DNAJC4: variants seen among roughly 807,000 people sequenced by gnomAD.
The protein encoded by DNAJC4 is dnaJ homolog subfamily C member 4.
DNAJC4 carries 26 observed loss-of-function variants against 26.8 expected under a neutral mutation model. The observed-to-expected ratio is 0.97, with a 90% CI of 0.71 to 1.34. The LOEUF (loss-of-function observed/expected upper bound fraction) is 1.34, where lower values mean the gene tolerates loss of function less well. Ranked by LOEUF, DNAJC4 falls within the 40% of genes most tolerant of loss-of-function variation. DNAJC4 has a pLI of 0.00. For synonymous variants in DNAJC4, 134 were observed against 127.8 expected (o/e 1.05, Z -0.33); for missense variants, 342 against 321.1 (o/e 1.07, Z -0.50).
At chr11:64,232,101 C>A in intron 2 of DNAJC4, 137 bp downstream of exon 2, 1 of 894,118 alleles carries the variant, frequency 1.1e-6, no homozygotes. Flanking sequence ...GGCAGGTGCT[C>A]AATGGTAGGG....
intron 2 of DNAJC4, 58 bp downstream of exon 2, chr11:64,232,022 G>A (rs896012019): frequency 6.4e-7 from 1 of 1,563,366 alleles, no homozygotes; most frequent in Admixed American, 1.7e-5. Context: ...GTGGGGGTGT[G>A]CTTCAAATTC....
chr11:64,230,672 G>A lies in DNAJC4; in HGVS notation c.-183G>A, dbSNP rs1338898331. ...GATGCCCGGGTCAGAGGAAGGGGCA[G>A]GTCCAAGGACACGCGGGTCTGGTCC... On this transcript the variant is annotated 5_prime_UTR_variant, in exon 1 of 6. Transcript: ENST00000628077. 1 of 803,532 alleles carries A rather than the reference G, an allele frequency of 1.2e-6. No individual in the cohort carries two copies. The highest frequency in any genetic ancestry group is 1.7e-5 in the African/African-American group (1 of 58,374). 49.8% of individuals were successfully genotyped at this position (803,532 alleles called of 1,614,324 possible).
intron 3 of DNAJC4, 30 bp from the exon 4 acceptor site, chr11:64,232,674 C>T (rs1192824629): frequency 6.3e-7 from 1 of 1,579,836 alleles, no homozygotes; most frequent in South Asian, 1.1e-5. Context: ...GTCTCATTTC[C>T]ACAATGTCCC....
At chr11:64,232,183 C>T in intron 2 of DNAJC4, 1 of 711,148 alleles carries the variant, frequency 1.4e-6, no homozygotes, top group East Asian at 2.7e-5. Context: ...TGCCTGCCTG[C>T]TCTTGAGAAA....
intron 1 of DNAJC4, 65 bp from the exon 2 acceptor site, chr11:64,231,805 GA>G: frequency 7.9e-6 from 12 of 1,519,472 alleles, no homozygotes; most frequent in Non-Finnish European, 1.1e-5. Context: ...GTGTGGCCCA[GA>G]AGGCAGGGCA....
intron 4 of DNAJC4, 48 bp downstream of exon 4, chr11:64,232,913 G>A (rs758195585): frequency 2.2e-5 from 33 of 1,507,268 alleles, no homozygotes; most frequent in Non-Finnish European, 2.9e-5. Context: ...AGGAGGGTGG[G>A]TGAATTCCAG....
At chr11:64,231,341 CCT>C in intron 1 of DNAJC4, 1 of 174,248 alleles carries the variant, frequency 5.7e-6, no homozygotes, top group Non-Finnish European at 1.1e-5. Context: ...TTCTCTTTTT[CCT>C]TTTTTTTTTT....
Position 64,233,997 on chromosome 11 carries a change from T to TTCTGCTC in DNAJC4, c.614+18_614+24dup. ...ACGGGCCAGGTCTGTCCCTGCTCTA[T>TTCTGCTC]TCTGCTCCCTGCTCCCTGTCCAGGA... On this transcript the variant is annotated intron_variant, in intron 5 of 5. Coordinates refer to ENST00000628077, the MANE Select transcript of DNAJC4 (RefSeq NM_005528.4). 1 of 1,614,002 alleles carries TTCTGCTC rather than the reference T, an allele frequency of 6.2e-7. No homozygotes were observed. The highest frequency in any genetic ancestry group is 1.1e-5 in the South Asian group (1 of 91,086).
intron 3 of DNAJC4, 26 bp downstream of exon 3, chr11:64,232,640 C>T (rs1224447402): frequency 6.3e-7 from 1 of 1,581,228 alleles, no homozygotes; most frequent in African/African-American, 1.3e-5. Flanking sequence ...CCTCAGCTTG[C>T]CCCACCCCCA....
intron 1 of DNAJC4, 78 bp from the exon 2 acceptor site, chr11:64,231,793 G>A: frequency 7.2e-7 from 1 of 1,385,718 alleles, no homozygotes; most frequent in East Asian, 2.3e-5. Flanking sequence ...CTGAGTTGAA[G>A]GGTGTGGCCC....
At position 64,234,257 on chromosome 11, in the gene DNAJC4, C is replaced by A; in HGVS notation, c.*73C>A. On this transcript the variant is annotated 3_prime_UTR_variant, in exon 6 of 6. Coordinates refer to ENST00000628077, the MANE Select transcript of DNAJC4 (RefSeq NM_005528.4). This position sits in a 1 kb window ranked among gnomAD's most constrained non-coding sequence, Gnocchi z 5.3. ...TCCCTGGACGGCCCGCTCCCCGAAA[C>A]GCGCGCAATAAAGTGATTCGCAGAG... 1 of 1,496,412 alleles carries A rather than the reference C, an allele frequency of 6.7e-7. No individual in the cohort carries two copies. Among genetic ancestry groups the A allele is most frequent in the Admixed American group, 2.1e-5 (1 of 48,252 alleles). The allele number at this position is 1,496,412 out of a possible 1,614,324, so 92.7% of individuals were successfully genotyped here.
chr11:64,231,125 C>T (rs1947170354), intron 1 of DNAJC4, 185 bp downstream of exon 1: 1 of 808,366 alleles, frequency 1.2e-6, no homozygotes, highest in Non-Finnish European at 2.1e-6. Flanking sequence ...ATTTAAGCGG[C>T]AGAGGAGGAA....
Position 64,231,924 on chromosome 11 carries a change from C to A in DNAJC4, c.140C>A (p.Thr47Asn). Residue 47 changes from threonine to asparagine, a missense_variant, in exon 2 of 6, where the codon ACT becomes AAT. By Grantham distance (65) the Thr-to-Asn change is moderately conservative. Coordinates refer to ENST00000628077, the MANE Select transcript of DNAJC4 (RefSeq NM_005528.4). Reference sequence around the variant, plus strand: ...TTGGGGGTGCATCCTGGTGCCAGCACTGAGGAAGTTAAACGAGCTTTCTTC... The same window carrying A: ...TTGGGGGTGCATCCTGGTGCCAGCAATGAGGAAGTTAAACGAGCTTTCTTC... ...ELLGVHPGAS[T>N]EEVKRAFFSK... 6.2e-7 allele frequency: 1 copy of A among 1,614,084 alleles called. No homozygotes were observed.
intron 1 of DNAJC4, chr11:64,231,584 G>A (rs1328845087): frequency 2.2e-5 from 7 of 319,854 alleles, no homozygotes; most frequent in Admixed American, 1.3e-4. Flanking sequence ...CAGGTGATCC[G>A]CCCTCCTCGG....
Position 64,231,342 on chromosome 11 carries a change from C to CTTTTTT in DNAJC4, c.86+415_86+420dup. Reference sequence around the variant, plus strand: ...AGGAATCAGTTTCTTTCTCTTTTTCCTTTTTTTTTTTTTTTTTTGAGATGG... The same window carrying CTTTTTT: ...AGGAATCAGTTTCTTTCTCTTTTTCCTTTTTTTTTTTTTTTTTTTTTTTTGAGATGG... On this transcript the variant is annotated intron_variant, in intron 1 of 5. Transcript: ENST00000628077. 3.4e-5 allele frequency: 5 copies of CTTTTTT among 148,054 alleles called. No homozygotes were observed. The South Asian group carries it at 4.0e-4, about 12-fold the overall frequency. The allele number at this position is 148,054 out of a possible 1,614,324, so 9.2% of individuals were successfully genotyped here.
chr11:64,234,260 G>A lies in DNAJC4; in HGVS notation c.*76G>A. On this transcript the variant is annotated 3_prime_UTR_variant, in exon 6 of 6. Coordinates refer to ENST00000628077, the MANE Select transcript of DNAJC4 (RefSeq NM_005528.4). The surrounding 1 kb of genome is among the most constrained non-coding windows in gnomAD (Gnocchi z 5.3). ...CTGGACGGCCCGCTCCCCGAAACGCGCGCAATAAAGTGATTCGCAGAGCTC... is the reference window on the plus strand; with the variant it reads ...CTGGACGGCCCGCTCCCCGAAACGCACGCAATAAAGTGATTCGCAGAGCTC... 6.7e-7 allele frequency: 1 copy of A among 1,488,864 alleles called. No individual in the cohort carries two copies. Among genetic ancestry groups the A allele is most frequent in the South Asian group, 1.3e-5 (1 of 79,566 alleles). The allele number at this position is 1,488,864 out of a possible 1,614,324, so 92.2% of individuals were successfully genotyped here.
chr11:64,230,481 T>C (rs1013076008), upstream of DNAJC4: 3 of 540,874 alleles, frequency 5.5e-6, no homozygotes, highest in African/African-American at 5.7e-5. Flanking sequence ...GGGCGGGGCC[T>C]GAATAGACGC....
At chr11:64,233,601 T>G (rs949513274) in intron 4 of DNAJC4, 7 of 451,446 alleles carry the variant, frequency 1.6e-5, no homozygotes, top group Admixed American at 3.6e-5. Flanking sequence ...GCAGCCTGCC[T>G]AGTTCAGTGA....
Position 64,233,880 on chromosome 11 carries a change from G to T in DNAJC4, c.528-14G>T. Reference sequence around the variant, plus strand: ...AGGAATTGGATTCCCAGGGTTAATTGTGACCCATTGCAGGAAGGTGAAGCA... The same window carrying T: ...AGGAATTGGATTCCCAGGGTTAATTTTGACCCATTGCAGGAAGGTGAAGCA... On this transcript the variant is annotated splice_polypyrimidine_tract_variant and intron_variant, in intron 4 of 5. Transcript: ENST00000628077. 1 of 1,611,834 alleles carries T rather than the reference G, an allele frequency of 6.2e-7. No individual in the cohort carries two copies. Among genetic ancestry groups the T allele is most frequent in the Non-Finnish European group, 8.5e-7 (1 of 1,178,248 alleles).
Sources: gnomAD v4.1 joint callset for allele counts on GRCh38, gnomAD v4.1.1 for gene constraint, Gnocchi (gnomAD v3.1) non-coding constraint, MANE v1.5 for transcripts, NCBI Gene and HGNC (gene_info 2026-07-23, HGNC 2026-07-21) for gene names.